BCAS4: variants seen among roughly 807,000 people sequenced by gnomAD.
BCAS4 encodes the protein breast carcinoma-amplified sequence 4.
In BCAS4, 9 loss-of-function variants were observed where a neutral mutation model predicts 15.7. That is an observed-to-expected ratio of 0.57 (90% CI 0.34 to 1.00). BCAS4 has a LOEUF of 1.00. BCAS4 is among the 50% of genes least tolerant of loss of function. BCAS4 has a pLI of 0.02. For missense variants in BCAS4, 225 were observed against 239.1 expected (o/e 0.94, Z 0.39); for synonymous variants, 101 against 99.5 (o/e 1.02, Z -0.09).
chr20:50,847,102 G>T (rs1263922888), intron 4 of BCAS4, among the ~76,000 whole-genome samples: 2 of 152,006 alleles, frequency 1.3e-5, no homozygotes, highest in African/African-American at 2.4e-5. Context: ...GGGATTCCGA[G>T]CATGGAGCGG....
At chr20:50,794,960 ACC>A, upstream of BCAS4, 1 of 1,214,738 alleles carries the variant, frequency 8.2e-7, no homozygotes, top group Non-Finnish European at 1.0e-6. Context: ...CCGGGAGCGC[ACC>A]TGCCCCGCCT....
At chr20:50,858,535 G>C (rs905063619) in intron 4 of BCAS4, among the ~76,000 whole-genome samples, 1 of 152,094 alleles carries the variant, frequency 6.6e-6, no homozygotes, top group Non-Finnish European at 1.5e-5. Flanking sequence ...CCAAGAGCCA[G>C]AGGTTGCAGT....
chr20:50,812,433 C>CT lies in BCAS4; in HGVS notation c.91-5762dup, dbSNP rs754781964. On this transcript the variant is annotated intron_variant, in intron 1 of 4. Coordinates refer to ENST00000371608, the MANE Select transcript of BCAS4 (RefSeq NM_198799.4). The stretch of plus-strand genomic sequence containing the variant: ...ACAGGCGTGAGCTACTGCGTCTGGC[C>CT]TTTTTTTTTTTTTTTTAAATTGAGA... Among the ~76,000 whole-genome samples, 487 of 122,510 alleles carry CT rather than the reference C, an allele frequency of 4.0e-3. 4 individuals are homozygous for CT. The highest frequency in any genetic ancestry group is 0.019 in the Middle Eastern group (3 of 156). The allele number at this position is 122,510 out of a possible 152,430, so 80.4% of individuals were successfully genotyped here. A position where few individuals can be genotyped will look rare whatever the true frequency, so the allele number is the denominator to read the frequency against.
chr20:50,796,333 A>G lies in BCAS4; in HGVS notation c.90+1160A>G, dbSNP rs186388251. 6.6e-4 allele frequency among the ~76,000 whole-genome samples: 96 copies of G among 145,736 alleles called. 1 individual carries two copies. In the East Asian group the frequency reaches 0.017, roughly 26 times the overall value. ...GCAGTGAGCTGAGATCAGCCATTGC[A>G]TTCCAGCCTGGGCAACAAGAGCAAA... On this transcript the variant is annotated intron_variant, in intron 1 of 4. Coordinates refer to ENST00000371608, the MANE Select transcript of BCAS4 (RefSeq NM_198799.4).
chr20:50,868,066 A>G (rs779071614), intron 4 of BCAS4, among the ~76,000 whole-genome samples: 1 of 152,154 alleles, frequency 6.6e-6, no homozygotes, highest in African/African-American at 2.4e-5. Context: ...ATTAGGGCCT[A>G]TCTGATGTTT....
chr20:50,840,588 C>T, intron 3 of BCAS4: 2 of 1,561,946 alleles, frequency 1.3e-6, no homozygotes, highest in East Asian at 2.2e-5. Flanking sequence ...GTGGAATGTA[C>T]AGTGCATATT....
At chr20:50,858,825 C>T (rs146997870) in intron 4 of BCAS4, among the ~76,000 whole-genome samples, 2,997 of 149,392 alleles carry the variant, frequency 0.02, 39 homozygotes, top group East Asian at 0.05. Context: ...CTTCTGGGCT[C>T]GAGCAATCCT....
rs139783942 is a variant in BCAS4 at position 50,864,219 on chromosome 20, C to T, written c.400-12267C>T. Among the ~76,000 whole-genome samples the T allele has an allele frequency of 4.7e-4, 71 of 152,308 alleles. No homozygotes were observed. In the East Asian group the frequency reaches 0.01, roughly 22 times the overall value. On this transcript the variant is annotated intron_variant, in intron 4 of 4. Coordinates refer to ENST00000371608, the MANE Select transcript of BCAS4 (RefSeq NM_198799.4). ...ACAGGGATAGCAGAGCGGTAGCCCACGCCCGGGGCCTGATTGCATGGGTTT... is the reference window on the plus strand; with the variant it reads ...ACAGGGATAGCAGAGCGGTAGCCCATGCCCGGGGCCTGATTGCATGGGTTT...
chr20:50,855,085 G>T (rs996093346), intron 4 of BCAS4, among the ~76,000 whole-genome samples: 2 of 152,202 alleles, frequency 1.3e-5, no homozygotes, highest in Non-Finnish European at 2.9e-5. Flanking sequence ...CCCGCCAGGG[G>T]TGTCTTGGGT....
At chr20:50,799,103 A>G (rs2087899050) in intron 1 of BCAS4, among the ~76,000 whole-genome samples, 2 of 152,124 alleles carry the variant, frequency 1.3e-5, no homozygotes, top group African/African-American at 4.8e-5. Flanking sequence ...TGCCTTTAGC[A>G]TCCTGAGTGC....
intron 1 of BCAS4, among the ~76,000 whole-genome samples, chr20:50,814,177 T>C (rs1317175275): frequency 6.6e-6 from 1 of 152,176 alleles, no homozygotes; most frequent in African/African-American, 2.4e-5. Flanking sequence ...CAGCAAACTC[T>C]CGCTTTGATC....
chr20:50,826,835 GT>G (rs2088283124), intron 2 of BCAS4, among the ~76,000 whole-genome samples: 2 of 152,152 alleles, frequency 1.3e-5, no homozygotes, highest in Admixed American at 1.3e-4. Context: ...GGGCATGGTG[GT>G]GGACAGCTGT....
At position 50,865,093 on chromosome 20, in the gene BCAS4, A is replaced by AAAAT. The variant is rs1225178064; in HGVS notation, c.400-11377_400-11374dup. Among the ~76,000 whole-genome samples the AAAAT allele has an allele frequency of 1.2e-4, 18 of 152,190 alleles. No homozygotes were observed. The East Asian group carries it at 3.1e-3, about 26-fold the overall frequency. ...GGGCGACAGAGCAAGACTCTATCTC[A>AAAAT]AAATAAATAAATAAATAAAAATAAA... On this transcript the variant is annotated intron_variant, in intron 4 of 4. Transcript: ENST00000371608.
At chr20:50,842,119 G>A (rs960698031) in intron 4 of BCAS4, among the ~76,000 whole-genome samples, 3 of 152,180 alleles carry the variant, frequency 2.0e-5, no homozygotes, top group East Asian at 1.9e-4. Context: ...TTTATTGGGC[G>A]CCTACTGTTT....
At chr20:50,848,116 C>T (rs2088569712) in intron 4 of BCAS4, among the ~76,000 whole-genome samples, 1 of 151,332 alleles carries the variant, frequency 6.6e-6, no homozygotes, top group Non-Finnish European at 1.5e-5. Flanking sequence ...TTTAGCTGGG[C>T]ATGGTAGTGC....
intron 2 of BCAS4, 122 bp from the exon 3 acceptor site, chr20:50,830,157 A>G (rs1162244287): frequency 1.3e-6 from 1 of 765,506 alleles, no homozygotes. Flanking sequence ...TGTATTGCGC[A>G]GGATGCCACC....
At chr20:50,797,069 C>G (rs1311400471) in intron 1 of BCAS4, among the ~76,000 whole-genome samples, 1 of 151,686 alleles carries the variant, frequency 6.6e-6, no homozygotes, top group Non-Finnish European at 1.5e-5. Context: ...AATTCCTGGG[C>G]CCAAGAGATC....
intron 4 of BCAS4, among the ~76,000 whole-genome samples, chr20:50,868,835 A>G (rs1237499312): frequency 6.6e-6 from 1 of 152,246 alleles, no homozygotes; most frequent in Non-Finnish European, 1.5e-5. Flanking sequence ...AAGAGGATGT[A>G]TACAACAGGC....
chr20:50,876,633 C>A lies in BCAS4; in HGVS notation c.*25C>A. 1 of 1,612,020 alleles carries A rather than the reference C, an allele frequency of 6.2e-7. No individual in the cohort carries two copies. The highest frequency in any genetic ancestry group is 8.5e-7 in the Non-Finnish European group (1 of 1,179,090). On this transcript the variant is annotated 3_prime_UTR_variant, in exon 5 of 5. Coordinates refer to ENST00000371608, the MANE Select transcript of BCAS4 (RefSeq NM_198799.4). ...AGCTTTGTGGTCTTCCCATCAGGAA[C>A]GCTGGAAAGTGACATTGTGTACACA...
Sources: gnomAD v4.1 joint callset for allele counts (sites outside exome capture counted in the v4.1 genomes callset) on GRCh38, gnomAD v4.1.1 for gene constraint, MANE v1.5 for transcripts, NCBI Gene and HGNC (gene_info 2026-07-23, HGNC 2026-07-21) for gene names.